The following KCNQ5 variants were observed in gnomAD, a reference collection of about 807,000 sequenced individuals.
The protein encoded by KCNQ5 is potassium voltage-gated channel subfamily Q member 5.
KCNQ5 carries 30 observed loss-of-function variants against 98.2 expected under a neutral mutation model. That is an observed-to-expected ratio of 0.31 (90% CI 0.23 to 0.41). The LOEUF is 0.41. Ranked by LOEUF, KCNQ5 falls within the 10% of genes least tolerant of loss-of-function variation. KCNQ5 has a pLI of 1.00. For missense variants in KCNQ5, 835 were observed against 1,182.5 expected (o/e 0.71, Z 4.31); for synonymous variants, 458 against 449.4 (o/e 1.02, Z -0.24).
At chr6:72,654,862 C>G (rs1404937566) in intron 1 of KCNQ5, among the ~76,000 whole-genome samples, 1 of 151,930 alleles carries the variant, frequency 6.6e-6, no homozygotes, top group Non-Finnish European at 1.5e-5. Flanking sequence ...GTTCAATGAA[C>G]AAAGAAAACT....
chr6:72,984,932 C>A (rs748012511), intron 1 of KCNQ5, among the ~76,000 whole-genome samples: 5 of 152,168 alleles, frequency 3.3e-5, no homozygotes, highest in Admixed American at 6.5e-5. Flanking sequence ...AGAAGTCAGG[C>A]ACAGTGGCTC....
At chr6:73,104,889 A>G (rs2150419240) in intron 5 of KCNQ5, among the ~76,000 whole-genome samples, 1 of 152,284 alleles carries the variant, frequency 6.6e-6, no homozygotes, top group African/African-American at 2.4e-5. Context: ...AATGCCTGCT[A>G]AGGTAACGAA....
At chr6:73,158,253 GATTTT>G (rs57728770) in intron 10 of KCNQ5, 72,498 of 157,804 alleles carry the variant, frequency 0.46, 16,617 homozygotes, top group Middle Eastern at 0.55. Flanking sequence ...AATTTTGGAA[GATTTT>G]TTTTTTTTTT....
intron 1 of KCNQ5, among the ~76,000 whole-genome samples, chr6:72,694,054 G>A (rs2154474332): frequency 6.6e-6 from 1 of 152,298 alleles, no homozygotes; most frequent in African/African-American, 2.4e-5. Context: ...CTTCTGTCAA[G>A]TAAAAACTAG....
intron 1 of KCNQ5, among the ~76,000 whole-genome samples, chr6:72,876,640 C>T (rs1213323123): frequency 6.6e-6 from 1 of 152,018 alleles, no homozygotes; most frequent in African/African-American, 2.4e-5. Flanking sequence ...TTAAAATTAA[C>T]AAAAAAGATA....
chr6:73,015,380 C>G (rs1249992583), intron 2 of KCNQ5, among the ~76,000 whole-genome samples: 1 of 152,076 alleles, frequency 6.6e-6, no homozygotes, highest in African/African-American at 2.4e-5. Flanking sequence ...TACACTGAAC[C>G]TTAACAGAAG....
At chr6:72,794,628 G>T (rs746794030) in intron 1 of KCNQ5, among the ~76,000 whole-genome samples, 2 of 152,116 alleles carry the variant, frequency 1.3e-5, no homozygotes, top group Non-Finnish European at 2.9e-5. Flanking sequence ...TATAATTTCA[G>T]ATAAGGGACA....
At chr6:72,634,852 G>A (rs1048741962) in intron 1 of KCNQ5, among the ~76,000 whole-genome samples, 2 of 152,192 alleles carry the variant, frequency 1.3e-5, no homozygotes, top group African/African-American at 4.8e-5. Flanking sequence ...ACAGGCGTGA[G>A]CCACTGCGCC....
intron 1 of KCNQ5, among the ~76,000 whole-genome samples, chr6:72,650,943 A>G (rs1765846150): frequency 6.6e-6 from 1 of 152,026 alleles, no homozygotes; most frequent in African/African-American, 2.4e-5. Flanking sequence ...TGGGTCGATT[A>G]AGGTTGCAAA....
At chr6:73,013,606 A>G (rs536391881) in intron 2 of KCNQ5, among the ~76,000 whole-genome samples, 3 of 152,198 alleles carry the variant, frequency 2.0e-5, no homozygotes, top group East Asian at 1.9e-4. Flanking sequence ...ATCCCCTCCC[A>G]TTTTCACAAA....
chr6:72,687,462 A>C (rs1400709634), intron 1 of KCNQ5, among the ~76,000 whole-genome samples: 1 of 152,248 alleles, frequency 6.6e-6, no homozygotes, highest in African/African-American at 2.4e-5. Context: ...CCCTGCCTTC[A>C]AGGAGCACAT....
At chr6:72,833,008 G>A (rs1007131732) in intron 1 of KCNQ5, among the ~76,000 whole-genome samples, 68 of 152,080 alleles carry the variant, frequency 4.5e-4, no homozygotes, top group African/African-American at 1.6e-3. Flanking sequence ...TGTTGTGCTT[G>A]TACTTCATTG....
chr6:72,781,728 C>T (rs1215650386), intron 1 of KCNQ5, among the ~76,000 whole-genome samples: 2 of 151,970 alleles, frequency 1.3e-5, no homozygotes, highest in African/African-American at 2.4e-5. Context: ...ATAACCAAAA[C>T]AATTTCTATG....
At chr6:73,146,625 T>TAAAAA (rs1776933996) in intron 10 of KCNQ5, among the ~76,000 whole-genome samples, 1 of 38,026 alleles carries the variant, frequency 2.6e-5, no homozygotes, top group African/African-American at 2.3e-4. Flanking sequence ...AGTCCCTGTC[T>TAAAAA]CAAAAAAAAA....
intron 1 of KCNQ5, among the ~76,000 whole-genome samples, chr6:72,767,631 C>T (rs1772645622): frequency 6.6e-6 from 1 of 151,910 alleles, no homozygotes; most frequent in South Asian, 2.1e-4. Flanking sequence ...GAAAGTCTTA[C>T]AACTCAATAG....
intron 1 of KCNQ5, among the ~76,000 whole-genome samples, chr6:72,998,405 G>A (rs1769401394): frequency 6.6e-6 from 1 of 152,090 alleles, no homozygotes; most frequent in Non-Finnish European, 1.5e-5. Context: ...CTTCCTGTTA[G>A]CATCTTTTAT....
chr6:72,982,211 G>C (rs1768495430), intron 1 of KCNQ5, among the ~76,000 whole-genome samples: 1 of 152,162 alleles, frequency 6.6e-6, no homozygotes, highest in Admixed American at 6.5e-5. Flanking sequence ...GTATATTCTT[G>C]TTAACCTTCT....
rs143885588 is a variant in KCNQ5 at position 73,158,372 on chromosome 6, T to C, written c.1469-11374T>C. 6.5e-4 allele frequency among the ~76,000 whole-genome samples: 98 copies of C among 151,416 alleles called. 1 individual carries two copies. Among genetic ancestry groups the C allele is most frequent in the African/African-American group, 2.4e-3 (98 of 41,410 alleles). ...ACCTCCGCCTCCCGGGTTCGAACGA[T>C]TCTCCTGCCTCGGCCTCCCGAGTAG... On this transcript the variant is annotated intron_variant, in intron 10 of 13. Coordinates refer to ENST00000370398, the MANE Select transcript of KCNQ5 (RefSeq NM_019842.4).
At position 72,974,741 on chromosome 6, in the gene KCNQ5, C is replaced by G. The variant is rs111405397; in HGVS notation, c.399-29167C>G. 4.2e-3 allele frequency among the ~76,000 whole-genome samples: 644 copies of G among 151,740 alleles called. 5 individuals are homozygous for G. Among genetic ancestry groups the G allele is most frequent in the East Asian group, 0.026 (132 of 5,172 alleles). On this transcript the variant is annotated intron_variant, in intron 1 of 13. Transcript: ENST00000370398. Reference sequence around the variant, plus strand: ...AAACTATCTATGCTAATAACACTTTCTACTTTTTTTTTTTTTTAGATGGAG... The same window carrying G: ...AAACTATCTATGCTAATAACACTTTGTACTTTTTTTTTTTTTTAGATGGAG...
Sources: gnomAD v4.1 joint callset for allele counts (sites outside exome capture counted in the v4.1 genomes callset) on GRCh38, gnomAD v4.1.1 for gene constraint, MANE v1.5 for transcripts, NCBI Gene and HGNC (gene_info 2026-07-23, HGNC 2026-07-21) for gene names.